PLEKHG4: variants seen among roughly 807,000 people sequenced by gnomAD.
The protein encoded by PLEKHG4 is pleckstrin homology and RhoGEF domain containing G4, also known as puratrophin-1.
Under a neutral mutation model 136.9 loss-of-function variants are expected in PLEKHG4, and 85 were observed. The ratio of observed to expected loss-of-function variants is 0.62; its 90% CI spans 0.52 to 0.74. The LOEUF (loss-of-function observed/expected upper bound fraction) is 0.74. PLEKHG4 is among the 30% of genes least tolerant of loss of function. PLEKHG4 has a pLI of 0.00. For synonymous variants in PLEKHG4, 577 were observed against 646.9 expected, an observed-to-expected ratio of 0.89 and a Z score of 1.64; for missense variants, 1,317 against 1,527.8, an observed-to-expected ratio of 0.86 and a Z score of 2.30.
At position 67,282,347 on chromosome 16, in the gene PLEKHG4, C is replaced by G; in HGVS notation, c.1251C>G (p.Tyr417Ter). 6.2e-7 allele frequency: 1 copy of G among 1,612,222 alleles called. No individual in the cohort carries two copies. The highest frequency in any genetic ancestry group is 8.5e-7 in the Non-Finnish European group (1 of 1,179,616). ...EVPEVTLSPD[Y>*]RTAMDKADEL... ...CAGAGGTGACCCTGAGCCCAGACTA[C>G]AGGTGAGTGCAAGCCCGGCCCCCAG... The change falls in exon 9 of 22, where the codon TAC becomes TAG. Residue 417 changes from tyrosine to a stop codon, truncating the protein, a stop_gained and splice_region_variant. Coordinates refer to ENST00000379344, the MANE Select transcript of PLEKHG4 (RefSeq NM_001129729.3). LOFTEE classifies it high-confidence loss of function.
At chr16:67,277,967 G>C (rs1299239413), upstream of PLEKHG4, 1 of 152,280 alleles carries the variant, frequency 6.6e-6, no homozygotes, top group Non-Finnish European at 1.5e-5. Flanking sequence ...CCTGTGGCTT[G>C]AGGCTCTTCT....
At chr16:67,281,868 TCA>T (rs979823700) in intron 7 of PLEKHG4, 31 bp downstream of exon 7, 1 of 1,583,896 alleles carries the variant, frequency 6.3e-7, no homozygotes, top group Non-Finnish European at 8.7e-7. Context: ...ATGGGGGCAG[TCA>T]TATAGGCAAC....
In PLEKHG4 at chr16:67,284,512, C is replaced by A. The variant is rs2036374457; in HGVS notation, c.1692+55C>A. On this transcript the variant is annotated intron_variant, in intron 12 of 21. Coordinates refer to ENST00000379344, the MANE Select transcript of PLEKHG4 (RefSeq NM_001129729.3). The surrounding 1 kb of genome is among the most constrained non-coding windows in gnomAD (Gnocchi z 4.4). ...ATCCATGAGGCCGGAGGGATGGCAGCCCCAGCTTCAGCAGAGCCTGAGCTT... is the reference window on the plus strand; with the variant it reads ...ATCCATGAGGCCGGAGGGATGGCAGACCCAGCTTCAGCAGAGCCTGAGCTT... 1.3e-6 allele frequency: 2 copies of A among 1,574,958 alleles called. No individual in the cohort carries two copies. Among genetic ancestry groups the A allele is most frequent in the South Asian group, 1.1e-5 (1 of 89,662 alleles).
At position 67,281,798 on chromosome 16, in the gene PLEKHG4, C is replaced by T; in HGVS notation, c.966C>T (p.Gly322=). 1.2e-6 allele frequency: 2 copies of T among 1,613,692 alleles called. No individual in the cohort carries two copies. Among genetic ancestry groups the T allele is most frequent in the Admixed American group, 1.7e-5 (1 of 60,028 alleles). The stretch of plus-strand genomic sequence containing the variant: ...GGCTGCCCACTTCGCTAGGAGGAGG[C>T]CTGCCTTACTGCCACCAGGCCTGGC... The part of the protein sequence containing the change: ...TAGLPTSLGG[G]LPYCHQAWLD... Residue 322 remains glycine (G), a synonymous_variant, in exon 7 of 22, where the codon GGC becomes GGT. Coordinates refer to ENST00000379344, the MANE Select transcript of PLEKHG4 (RefSeq NM_001129729.3).
intron 5 of PLEKHG4, 59 bp from the exon 6 acceptor site, chr16:67,281,508 G>C: frequency 6.9e-7 from 1 of 1,449,392 alleles, no homozygotes; most frequent in Non-Finnish European, 9.7e-7. Flanking sequence ...TTACAGGCGT[G>C]AGCCACCATG....
In PLEKHG4 at chr16:67,280,517, C is replaced by G. The variant is rs1252021064; in HGVS notation, c.473C>G (p.Ser158Ter). The change falls in exon 2 of 22, where the codon TCA becomes TGA. Residue 158 changes from serine to a stop codon, truncating the protein, a stop_gained. Transcript: ENST00000379344. LOFTEE classifies it high-confidence loss of function. This position sits in a 1 kb window ranked among gnomAD's most constrained non-coding sequence, Gnocchi z 4.4. ...SDPVGLGDPL[S>*]EISKLLEAAP... ...CCTGTGGGCCTTGGAGACCCTTTATCAGAAATATCAAAGCTGCTGGAGGCA... is the reference window on the plus strand; with the variant it reads ...CCTGTGGGCCTTGGAGACCCTTTATGAGAAATATCAAAGCTGCTGGAGGCA... 1.2e-6 allele frequency: 2 copies of G among 1,611,684 alleles called. No individual in the cohort carries two copies. The highest frequency in any genetic ancestry group is 1.1e-5 in the South Asian group (1 of 90,844).
Position 67,284,480 on chromosome 16 carries a change from C to G in PLEKHG4, c.1692+23C>G. 1.9e-6 allele frequency: 3 copies of G among 1,611,636 alleles called. No individual in the cohort carries two copies. The highest frequency in any genetic ancestry group is 2.5e-6 in the Non-Finnish European group (3 of 1,178,256). Reference sequence around the variant, plus strand: ...GAGGTGGGTGAGAGTCTCCCCAGCTCCAAGTGATCCATGAGGCCGGAGGGA... The same window carrying G: ...GAGGTGGGTGAGAGTCTCCCCAGCTGCAAGTGATCCATGAGGCCGGAGGGA... On this transcript the variant is annotated intron_variant, in intron 12 of 21. Coordinates refer to ENST00000379344, the MANE Select transcript of PLEKHG4 (RefSeq NM_001129729.3). The surrounding 1 kb of genome is among the most constrained non-coding windows in gnomAD (Gnocchi z 4.4).
At position 67,279,967 on chromosome 16, in the gene PLEKHG4, A is replaced by T. The variant is rs1249427744; in HGVS notation, c.-78A>T. 6 of 1,465,888 alleles carry T rather than the reference A, an allele frequency of 4.1e-6. No individual in the cohort carries two copies. Among genetic ancestry groups the T allele is most frequent in the African/African-American group, 1.4e-5 (1 of 71,382 alleles). 90.8% of individuals were successfully genotyped at this position (1,465,888 alleles called of 1,614,324 possible). A position where few individuals can be genotyped will look rare whatever the true frequency, so the allele number is the denominator to read the frequency against. ...TGCATTGCCCACTGAGTCCCACTCG[A>T]CTGTCTTCAGCGCGGTTCACACTGA... On this transcript the variant is annotated 5_prime_UTR_variant, in exon 2 of 22. Transcript: ENST00000379344.
chr16:67,281,134 C>G lies in PLEKHG4; in HGVS notation c.763C>G (p.Arg255Gly), dbSNP rs149840175. 2.5e-5 allele frequency: 40 copies of G among 1,613,958 alleles called. No individual in the cohort carries two copies. Among genetic ancestry groups the G allele is most frequent in the Admixed American group, 1.8e-4 (11 of 59,992 alleles). ...ALGLTVLVDARICAPSSSLFS... is the reference protein window; with the variant it reads ...ALGLTVLVDAGICAPSSSLFS... ...GGGACTGACAGTGCTAGTTGATGCC[C>G]GAATTTGTGCTCCAAGTTCTTCCCT... The change falls in exon 5 of 22, where the codon CGA becomes GGA. Residue 255 changes from arginine to glycine, a missense_variant. By Grantham distance (125) the Arg-to-Gly change is moderately radical. Transcript: ENST00000379344.
At chr16:67,286,162 C>G in intron 14 of PLEKHG4, 112 bp from the exon 15 acceptor site, 1 of 787,202 alleles carries the variant, frequency 1.3e-6, no homozygotes, top group Non-Finnish European at 2.3e-6. Flanking sequence ...GGAGGCCTCC[C>G]TAAGAGGCAT....
intron 1 of PLEKHG4, 119 bp downstream of exon 1, chr16:67,279,745 C>T: frequency 3.1e-6 from 1 of 324,238 alleles, no homozygotes; most frequent in Non-Finnish European, 5.7e-6. Context: ...CGGGGCCGCC[C>T]CCACGGGCAT....
At position 67,288,222 on chromosome 16, in the gene PLEKHG4, C is replaced by T. The variant is rs765951865; in HGVS notation, c.3276C>T (p.Tyr1092=). The part of the protein sequence containing the change: ...AVAPFDHDSL[Y]LGASNSLPGD... ...CCCCGTTTGACCATGACAGCCTCTA[C>T]CTGGGGGCCTCGAACTCCCTTCCTG... The change falls in exon 20 of 22, where the codon TAC becomes TAT. Residue 1092 remains tyrosine (Y), a synonymous_variant. Coordinates refer to ENST00000379344, the MANE Select transcript of PLEKHG4 (RefSeq NM_001129729.3). 10 of 1,614,032 alleles carry T rather than the reference C, an allele frequency of 6.2e-6. No homozygotes were observed. Among genetic ancestry groups the T allele is most frequent in the Non-Finnish European group, 7.6e-6 (9 of 1,180,014 alleles).
intron 5 of PLEKHG4, 74 bp from the exon 6 acceptor site, chr16:67,281,493 C>T (rs147066178): frequency 3.7e-5 from 48 of 1,303,060 alleles, no homozygotes; most frequent in Middle Eastern, 4.0e-4. Flanking sequence ...CCCAGAGTGC[C>T]GCAATTACAG....
At chr16:67,282,962 C>T (rs1007584630) in intron 11 of PLEKHG4, 104 bp downstream of exon 11, 2 of 834,478 alleles carry the variant, frequency 2.4e-6, no homozygotes, top group African/African-American at 3.3e-5. Context: ...TTTCTTAGAC[C>T]TTATAGTCCC....
rs1157694189 is a variant in PLEKHG4 at position 67,284,118 on chromosome 16, G to C, written c.1510-157G>C. Among the ~76,000 whole-genome samples the C allele has an allele frequency of 6.6e-6, 1 of 152,156 alleles. No homozygotes were observed. The highest frequency in any genetic ancestry group is 1.5e-5 in the Non-Finnish European group (1 of 68,016). ...CTCTAGGAACTTTGGCTGTGGAGAA[G>C]GGGAGTGGATGTGGGTGGGGAGTAG... On this transcript the variant is annotated intron_variant, in intron 11 of 21. Transcript: ENST00000379344. This position sits in a 1 kb window ranked among gnomAD's most constrained non-coding sequence, Gnocchi z 4.4.
rs372770787 is a variant in PLEKHG4, at chr16:67,282,069, G to A, written c.1066G>A (p.Glu356Lys). 38 of 1,613,514 alleles carry A rather than the reference G, an allele frequency of 2.4e-5. No individual in the cohort carries two copies. The highest frequency in any genetic ancestry group is 1.9e-4 in the South Asian group (17 of 91,084). ...TTGTGCCCTGCTCCAGGGGGCCATC[G>A]AAAGTGTGAAGGCTGTGCCCCAGCC... ...AACALLQGAI[E>K]SVKAVPQPME... Residue 356 changes from glutamate to lysine, a missense_variant, in exon 8 of 22, where the codon GAA (glutamate) becomes AAA (lysine). Coordinates refer to ENST00000379344, the MANE Select transcript of PLEKHG4 (RefSeq NM_001129729.3).
At chr16:67,281,315 C>A (rs2036215197) in intron 5 of PLEKHG4, 131 bp downstream of exon 5, 1 of 773,768 alleles carries the variant, frequency 1.3e-6, no homozygotes, top group East Asian at 2.6e-5. Context: ...ACTCTATCTC[C>A]CCGATTCAAG....
chr16:67,288,666 T>C, intron 21 of PLEKHG4, 62 bp downstream of exon 21: 1 of 1,604,698 alleles, frequency 6.2e-7, no homozygotes, highest in South Asian at 1.1e-5. Context: ...CCTGTGACTG[T>C]GACCAGCCCC....
chr16:67,281,865 CA>C (rs2036244198), intron 7 of PLEKHG4, 28 bp downstream of exon 7: 1 of 1,587,840 alleles, frequency 6.3e-7, no homozygotes, highest in South Asian at 1.1e-5. Context: ...GGCATGGGGG[CA>C]GTCATATAGG....
Sources: allele counts gnomAD v4.1 joint callset (sites outside exome capture counted in the v4.1 genomes callset), GRCh38; gene constraint gnomAD v4.1.1; non-coding constraint Gnocchi (gnomAD v3.1); transcripts MANE v1.5; gene names NCBI Gene and HGNC (gene_info 2026-07-23, HGNC 2026-07-21).